The following TMEM181 variants were observed in gnomAD, a reference collection of about 807,000 sequenced individuals.
TMEM181 encodes the protein G protein-coupled receptor 178.
Under a neutral mutation model 71.9 loss-of-function variants are expected in TMEM181, and 39 were observed. The observed-to-expected ratio is 0.54, with a 90% CI of 0.42 to 0.71. The LOEUF is 0.71. TMEM181 is among the 30% of genes least tolerant of loss of function. The probability of loss-of-function intolerance (pLI) is 0.00; values close to 1 mark genes in which losing one functional copy is unlikely to be tolerated. For missense variants in TMEM181, 595 were observed against 583.0 expected, an observed-to-expected ratio of 1.02 and a Z score of -0.21; for synonymous variants, 245 against 228.8, an observed-to-expected ratio of 1.07 and a Z score of -0.64.
chr6:158,559,544 A>G (rs2128284040), upstream of TMEM181, among the ~76,000 whole-genome samples: 1 of 152,356 alleles, frequency 6.6e-6, no homozygotes, highest in South Asian at 2.1e-4. Flanking sequence ...CTGAGCCAAG[A>G]TGCGAAATCA....
intron 6 of TMEM181, among the ~76,000 whole-genome samples, chr6:158,595,595 C>T (rs142089813): frequency 1.8e-4 from 27 of 152,230 alleles, no homozygotes; most frequent in Admixed American, 3.3e-4. Context: ...TACTATATAG[C>T]GAGGAGAATG....
At chr6:158,580,902 G>T in intron 2 of TMEM181, 38 bp from the exon 3 acceptor site, 1 of 1,557,764 alleles carries the variant, frequency 6.4e-7, no homozygotes, top group South Asian at 1.1e-5. Context: ...TATCAATATT[G>T]CTATAATCTG....
intron 1 of TMEM181, among the ~76,000 whole-genome samples, chr6:158,553,646 ACTGT>A (rs1482864982): frequency 6.6e-6 from 1 of 152,224 alleles, no homozygotes; most frequent in Non-Finnish European, 1.5e-5. Context: ...CCAATATAAA[ACTGT>A]CTGCCACAAA....
chr6:158,543,033 G>A (rs927899589), intron 1 of TMEM181, among the ~76,000 whole-genome samples: 1 of 151,696 alleles, frequency 6.6e-6, no homozygotes, highest in Non-Finnish European at 1.5e-5. Context: ...GTGCCACCAC[G>A]CCTGGCTAAT....
At chr6:158,557,200 C>G (rs1287908681), upstream of TMEM181, among the ~76,000 whole-genome samples, 1 of 152,140 alleles carries the variant, frequency 6.6e-6, no homozygotes, top group African/African-American at 2.4e-5. Flanking sequence ...CATAGTGAAA[C>G]CTTGTCTCTA....
At chr6:158,553,517 A>G (rs1781781428) in intron 1 of TMEM181, among the ~76,000 whole-genome samples, 1 of 152,262 alleles carries the variant, frequency 6.6e-6, no homozygotes, top group South Asian at 2.1e-4. Flanking sequence ...TTAAACCAAC[A>G]ATATTAAATT....
In TMEM181 at chr6:158,583,937, T is replaced by C; in HGVS notation, c.169-17T>C. On this transcript the variant is annotated splice_polypyrimidine_tract_variant and intron_variant, in intron 3 of 16. Coordinates refer to ENST00000684151, the MANE Select transcript of TMEM181 (RefSeq NM_001376852.1). ...AATGAAAAGGTCACATGGATTACTT[T>C]GTTTTTTTTTCTTCAGCTAAAGCCA... is the stretch of plus-strand genomic sequence containing the variant. 6.4e-7 allele frequency: 1 copy of C among 1,567,642 alleles called. No individual in the cohort carries two copies. The highest frequency in any genetic ancestry group is 8.7e-7 in the Non-Finnish European group (1 of 1,149,102).
intron 1 of TMEM181, among the ~76,000 whole-genome samples, chr6:158,547,657 A>G (rs892715739): frequency 6.6e-6 from 1 of 151,922 alleles, no homozygotes; most frequent in African/African-American, 2.4e-5. Flanking sequence ...CAGACTTTGT[A>G]ACAACGATTC....
intron 10 of TMEM181, among the ~76,000 whole-genome samples, chr6:158,614,062 CAT>C (rs1265808955): frequency 6.6e-6 from 1 of 152,216 alleles, no homozygotes; most frequent in Non-Finnish European, 1.5e-5. Context: ...AGTTTTAGAA[CAT>C]ATGTTAATAT....
rs1055862347 is a variant in TMEM181, at chr6:158,579,444, G to A, written c.113-1496G>A. On this transcript the variant is annotated intron_variant, in intron 2 of 16. Coordinates refer to ENST00000684151, the MANE Select transcript of TMEM181 (RefSeq NM_001376852.1). ...CCTTAAAAAGTAAGGAAGTTCGGCC[G>A]GGCGCAGTGGCTCACGCCTGTAATC... Among the ~76,000 whole-genome samples the A allele has an allele frequency of 4.6e-5, 7 of 151,896 alleles. No individual in the cohort carries two copies. In the East Asian group the frequency reaches 1.4e-3, roughly 29 times the overall value.
chr6:158,603,462 C>G (rs1041700869), intron 6 of TMEM181, among the ~76,000 whole-genome samples: 3 of 152,176 alleles, frequency 2.0e-5, no homozygotes, highest in African/African-American at 7.2e-5. Flanking sequence ...CACTGCTCAT[C>G]TGCTGCTGTA....
At chr6:158,574,315 G>GA (rs747069191) in intron 2 of TMEM181, among the ~76,000 whole-genome samples, 2 of 152,162 alleles carry the variant, frequency 1.3e-5, no homozygotes, top group Non-Finnish European at 2.9e-5. Context: ...GAAGCTGGGG[G>GA]AGAGTGCTGT....
chr6:158,600,330 AGT>A (rs1350232799), intron 6 of TMEM181, among the ~76,000 whole-genome samples: 1 of 151,624 alleles, frequency 6.6e-6, no homozygotes. Context: ...CTCTGTTTTT[AGT>A]AGAGACAGGG....
At chr6:158,606,641 A>C (rs1311127721) in intron 7 of TMEM181, among the ~76,000 whole-genome samples, 1 of 152,268 alleles carries the variant, frequency 6.6e-6, no homozygotes, top group Non-Finnish European at 1.5e-5. Flanking sequence ...ATAATGTTTT[A>C]AAGCAGTTTA....
intron 6 of TMEM181, among the ~76,000 whole-genome samples, chr6:158,601,289 C>G (rs1304236782): frequency 2.6e-5 from 4 of 152,214 alleles, no homozygotes; most frequent in African/African-American, 9.7e-5. Context: ...TAGCTCACGC[C>G]TGTAATCCCA....
chr6:158,569,222 C>T (rs1001352367), intron 1 of TMEM181, among the ~76,000 whole-genome samples: 1 of 152,220 alleles, frequency 6.6e-6, no homozygotes, highest in African/African-American at 2.4e-5. Context: ...TTATCCTGTC[C>T]TGGGTGCTGC....
At chr6:158,626,956 A>ACC (rs1554230558) in intron 13 of TMEM181, among the ~76,000 whole-genome samples, 20 of 94,448 alleles carry the variant, frequency 2.1e-4, no homozygotes, top group African/African-American at 3.7e-4. Flanking sequence ...CCTCACCCTC[A>ACC]CTCACACCCT....
upstream of TMEM181, among the ~76,000 whole-genome samples, chr6:158,556,571 C>T (rs182009557): frequency 5.9e-5 from 9 of 152,280 alleles, no homozygotes; most frequent in East Asian, 1.5e-3. Flanking sequence ...CTACAAGGAT[C>T]ACTCACAAGG....
At chr6:158,543,188 A>G (rs1442789247) in intron 1 of TMEM181, among the ~76,000 whole-genome samples, 1 of 152,030 alleles carries the variant, frequency 6.6e-6, no homozygotes, top group Non-Finnish European at 1.5e-5. Context: ...GAGTATGTTT[A>G]TTTAAGCCAC....
Sources: gnomAD v4.1 joint callset for allele counts (sites outside exome capture counted in the v4.1 genomes callset) on GRCh38, gnomAD v4.1.1 for gene constraint, MANE v1.5 for transcripts, NCBI Gene and HGNC (gene_info 2026-07-23, HGNC 2026-07-21) for gene names.